SIPA1L3: variants seen among roughly 807,000 people sequenced by gnomAD.
SIPA1L3 encodes signal-induced proliferation-associated 1-like protein 3.
In SIPA1L3, 59 loss-of-function variants were observed where a neutral mutation model predicts 150.1. The ratio of observed to expected loss-of-function variants is 0.39; its 90% CI spans 0.32 to 0.49. The LOEUF is 0.49. Among genes scored for constraint, SIPA1L3 ranks in the 20% least tolerant of loss-of-function variants. The probability of loss-of-function intolerance (pLI) is 0.86; values close to 1 mark genes in which losing one functional copy is unlikely to be tolerated. For missense variants in SIPA1L3, 2,211 were observed against 2,489.5 expected (o/e 0.89, Z 2.38); for synonymous variants, 1,070 against 1,077.6 (o/e 0.99, Z 0.14).
chr19:38,086,024 G>T (rs1267182772), intron 3 of SIPA1L3, among the ~76,000 whole-genome samples: 1 of 151,598 alleles, frequency 6.6e-6, no homozygotes, highest in African/African-American at 2.4e-5. Flanking sequence ...AAAAAAAAAC[G>T]CTACGGGGAG....
At chr19:38,116,299 G>A (rs1168065827) in intron 8 of SIPA1L3, among the ~76,000 whole-genome samples, 1 of 151,668 alleles carries the variant, frequency 6.6e-6, no homozygotes, top group Non-Finnish European at 1.5e-5. Context: ...CATGAGGTCA[G>A]GAGTTCAAGA....
At chr19:37,962,166 CAG>C (rs1169488767) in intron 1 of SIPA1L3, among the ~76,000 whole-genome samples, 1 of 130,720 alleles carries the variant, frequency 7.6e-6, no homozygotes, top group Non-Finnish European at 1.5e-5. Flanking sequence ...TTTTTTGAGA[CAG>C]AGTCTAACTC....
At chr19:37,940,557 G>A (rs62112290) in intron 1 of SIPA1L3, among the ~76,000 whole-genome samples, 8,222 of 152,106 alleles carry the variant, frequency 0.054, 257 homozygotes, top group East Asian at 0.11. Flanking sequence ...TCTAGAATTG[G>A]TTTGTTCCAA....
In SIPA1L3 at chr19:38,092,945, C is replaced by T. The variant is rs138924940; in HGVS notation, c.1665+4094C>T. On this transcript the variant is annotated intron_variant, in intron 4 of 21. Transcript: ENST00000222345. ...CGTGATCTCTGCTCACCACAAGCTC[C>T]GCCTCCCAGGTTCACGCCATTCTCC... 3.4e-3 allele frequency among the ~76,000 whole-genome samples: 522 copies of T among 151,374 alleles called. 1 individual carries two copies. Among genetic ancestry groups the T allele is most frequent in the African/African-American group, 0.012 (492 of 41,204 alleles).
intron 11 of SIPA1L3, 121 bp downstream of exon 11, chr19:38,141,556 C>T (rs1971583536): frequency 1.9e-6 from 2 of 1,067,980 alleles, no homozygotes; most frequent in African/African-American, 1.6e-5. Flanking sequence ...TTCGACCTTC[C>T]TTCTTATCCT....
intron 2 of SIPA1L3, among the ~76,000 whole-genome samples, chr19:38,033,135 A>AG (rs1968690114): frequency 6.6e-6 from 1 of 152,182 alleles, no homozygotes; most frequent in Non-Finnish European, 1.5e-5. Flanking sequence ...TCCCTCTCCA[A>AG]GGGGCAGCCC....
chr19:38,054,772 A>G (rs941882026), intron 2 of SIPA1L3, among the ~76,000 whole-genome samples: 3 of 128,686 alleles, frequency 2.3e-5, no homozygotes, highest in African/African-American at 3.5e-5. Context: ...CCTCCCACAC[A>G]GCCGTGAAGC....
At chr19:37,915,250 G>A (rs1199414294) in intron 1 of SIPA1L3, among the ~76,000 whole-genome samples, 1 of 152,164 alleles carries the variant, frequency 6.6e-6, no homozygotes, top group African/African-American at 2.4e-5. Flanking sequence ...TTGACTGCTT[G>A]GTTGCCATAC....
At chr19:37,948,610 G>GT (rs2046734053) in intron 1 of SIPA1L3, among the ~76,000 whole-genome samples, 1 of 152,186 alleles carries the variant, frequency 6.6e-6, no homozygotes, top group Non-Finnish European at 1.5e-5. Flanking sequence ...GATACCACTC[G>GT]GGTATTTCCT....
chr19:38,005,255 C>T (rs763490574), intron 1 of SIPA1L3, among the ~76,000 whole-genome samples: 3 of 152,160 alleles, frequency 2.0e-5, no homozygotes, highest in Non-Finnish European at 4.4e-5. Context: ...ACTGTAGTGA[C>T]ACTAAAACCT....
intron 2 of SIPA1L3, among the ~76,000 whole-genome samples, chr19:38,071,257 CTATCTAT>C (rs1398869826): frequency 5.9e-5 from 9 of 151,848 alleles, no homozygotes; most frequent in African/African-American, 1.9e-4. Flanking sequence ...ATCTATCTAT[CTATCTAT>C]CTGCCTGCCT....
chr19:38,204,045 C>A, intron 20 of SIPA1L3, 82 bp from the exon 21 acceptor site: 1 of 1,110,684 alleles, frequency 9.0e-7, no homozygotes. Flanking sequence ...GGGCCTGTAC[C>A]CCCAGGCTCC....
chr19:37,986,358 A>G (rs934877108), intron 1 of SIPA1L3, among the ~76,000 whole-genome samples: 4 of 152,228 alleles, frequency 2.6e-5, no homozygotes, highest in African/African-American at 9.6e-5. Flanking sequence ...TCGAGGTGAG[A>G]TGGCTTTCTC....
intron 15 of SIPA1L3, among the ~76,000 whole-genome samples, chr19:38,167,369 A>G (rs1972233888): frequency 6.6e-6 from 1 of 152,116 alleles, no homozygotes; most frequent in Admixed American, 6.5e-5. Flanking sequence ...CATGGCTTAC[A>G]GTGTTCTCTG....
chr19:38,030,642 A>ATATATATATATATATGTATATATATATG (rs1555778714), intron 2 of SIPA1L3, among the ~76,000 whole-genome samples: 1 of 75,326 alleles, frequency 1.3e-5, no homozygotes, highest in African/African-American at 3.9e-5. Context: ...ATATATATAT[A>ATATATATATATATATGTATATATATATG]TATATATATG....
chr19:37,915,534 G>A (rs1408004033), intron 1 of SIPA1L3, among the ~76,000 whole-genome samples: 5 of 151,574 alleles, frequency 3.3e-5, no homozygotes, highest in African/African-American at 9.7e-5. Flanking sequence ...GGCGCCCACC[G>A]CCACTCCCAG....
chr19:38,190,412 C>T (rs1972782213), intron 16 of SIPA1L3, among the ~76,000 whole-genome samples: 2 of 152,216 alleles, frequency 1.3e-5, no homozygotes, highest in Non-Finnish European at 1.5e-5. Flanking sequence ...CCAAAGAATA[C>T]ACATCCCTGA....
At chr19:38,012,565 A>T (rs1968130419) in intron 1 of SIPA1L3, among the ~76,000 whole-genome samples, 1 of 151,938 alleles carries the variant, frequency 6.6e-6, no homozygotes, top group African/African-American at 2.4e-5. Flanking sequence ...TCAATCCACT[A>T]CCCGAAGCAT....
chr19:38,182,514 TGCAG>T lies in SIPA1L3; in HGVS notation c.4209-4_4209-1del. On this transcript the variant is annotated splice_acceptor_variant and splice_polypyrimidine_tract_variant and intron_variant, in intron 15 of 21. Coordinates refer to ENST00000222345, the MANE Select transcript of SIPA1L3 (RefSeq NM_015073.3). LOFTEE classifies it high-confidence loss of function. ...TTTTTTATCTCTTTCATTTTTGCTT[TGCAG>T]TGACATGGGCTCGAGGGTTGGCTAC... The T allele has an allele frequency of 6.3e-7, 1 of 1,587,422 alleles. No homozygotes were observed. Among genetic ancestry groups the T allele is most frequent in the Non-Finnish European group, 8.6e-7 (1 of 1,165,290 alleles).
Sources: gnomAD v4.1 joint callset for allele counts (sites outside exome capture counted in the v4.1 genomes callset) on GRCh38, gnomAD v4.1.1 for gene constraint, MANE v1.5 for transcripts, NCBI Gene and HGNC (gene_info 2026-07-23, HGNC 2026-07-21) for gene names.